Variants in COX10 observed in about 807,000 individuals in gnomAD.
COX10 encodes the protein cytochrome c oxidase assembly factor heme A:farnesyltransferase COX10, also known as protoheme IX farnesyltransferase, mitochondrial.
A neutral mutation model predicts 37.3 loss-of-function variants in COX10; 27 were observed. The ratio of observed to expected loss-of-function variants is 0.72; its 90% CI spans 0.53 to 1.00. COX10 has a LOEUF of 1.00. Ranked by LOEUF, COX10 falls within the 50% of genes least tolerant of loss-of-function variation. The probability of loss-of-function intolerance (pLI) is 0.00; values close to 1 mark genes in which losing one functional copy is unlikely to be tolerated. For missense variants in COX10, 475 were observed against 563.2 expected (o/e 0.84, Z 1.59); for synonymous variants, 222 against 229.1 (o/e 0.97, Z 0.28).
At chr17:14,176,045 C>T (rs1905678346) in intron 5 of COX10, among the ~76,000 whole-genome samples, 1 of 152,104 alleles carries the variant, frequency 6.6e-6, no homozygotes. Flanking sequence ...CCCTCAGCTG[C>T]CTGGGTAAAG....
intron 4 of COX10, among the ~76,000 whole-genome samples, chr17:14,143,593 T>C (rs527883229): frequency 2.2e-4 from 33 of 152,090 alleles, no homozygotes; most frequent in Non-Finnish European, 3.8e-4. Flanking sequence ...AGCTATTATC[T>C]CCTCTCTGAC....
chr17:14,125,428 T>A (rs183489678), intron 4 of COX10, among the ~76,000 whole-genome samples: 1 of 152,306 alleles, frequency 6.6e-6, no homozygotes, highest in East Asian at 1.9e-4. Context: ...AGGGAAACAA[T>A]TTGGCTATTG....
intron 4 of COX10, among the ~76,000 whole-genome samples, 157 bp from the exon 5 acceptor site, chr17:14,159,720 G>GT (rs1567604458): frequency 1.3e-5 from 2 of 151,940 alleles, no homozygotes; most frequent in African/African-American, 4.8e-5. Flanking sequence ...TTGTTTGTTT[G>GT]TTTTTTTGGA....
In COX10 at chr17:14,107,078, C is replaced by A. The variant is rs146712582; in HGVS notation, c.624+4836C>A. On this transcript the variant is annotated intron_variant, in intron 4 of 6. Transcript: ENST00000261643. ...TGTGTTGCAGAGTGCATCCCAGCAC[C>A]CCTACTTCTACCCACTGGACACTGA... 2.6e-5 allele frequency among the ~76,000 whole-genome samples: 4 copies of A among 152,156 alleles called. No homozygotes were observed. In the East Asian group the frequency reaches 7.7e-4, roughly 29 times the overall value.
chr17:14,191,667 A>C (rs1277373174), intron 5 of COX10, among the ~76,000 whole-genome samples: 1 of 152,198 alleles, frequency 6.6e-6, no homozygotes. Flanking sequence ...TCTCTTGTAG[A>C]GAGGAGTAAG....
intron 4 of COX10, among the ~76,000 whole-genome samples, chr17:14,136,432 A>G (rs1021012702): frequency 2.0e-5 from 3 of 151,922 alleles, no homozygotes; most frequent in African/African-American, 4.8e-5. Context: ...TTTTCTTTCT[A>G]TTAGCAAAAC....
intron 3 of COX10, among the ~76,000 whole-genome samples, chr17:14,089,370 A>G (rs1915476412): frequency 6.6e-6 from 1 of 152,194 alleles, no homozygotes; most frequent in Non-Finnish European, 1.5e-5. Flanking sequence ...ATGTGTACTG[A>G]TCTGGCAGCA....
intron 3 of COX10, among the ~76,000 whole-genome samples, chr17:14,091,323 A>G (rs1915522204): frequency 6.6e-6 from 1 of 152,230 alleles, no homozygotes; most frequent in Non-Finnish European, 1.5e-5. Context: ...TTGTCCTGTT[A>G]TCAGTGAATT....
At chr17:14,122,634 C>T (rs1204005068) in intron 4 of COX10, among the ~76,000 whole-genome samples, 1 of 152,062 alleles carries the variant, frequency 6.6e-6, no homozygotes, top group Non-Finnish European at 1.5e-5. Flanking sequence ...GAAAAATGCC[C>T]TTGTCCACCT....
intron 4 of COX10, among the ~76,000 whole-genome samples, chr17:14,149,923 G>A (rs1186983593): frequency 6.6e-6 from 1 of 152,126 alleles, no homozygotes; most frequent in Admixed American, 6.5e-5. Flanking sequence ...ATGTGAGGGA[G>A]GATATGACTG....
chr17:14,143,598 T>C (rs1904614114), intron 4 of COX10, among the ~76,000 whole-genome samples: 1 of 152,084 alleles, frequency 6.6e-6, no homozygotes, highest in South Asian at 2.1e-4. Flanking sequence ...TTATCTCCTC[T>C]CTGACCAAAT....
chr17:14,180,687 A>G (rs890705112), intron 5 of COX10, among the ~76,000 whole-genome samples: 2 of 152,190 alleles, frequency 1.3e-5, no homozygotes, highest in African/African-American at 4.8e-5. Context: ...TTAGTCTATC[A>G]CTTGTAGCCA....
At chr17:14,117,626 A>C (rs1916142521) in intron 4 of COX10, among the ~76,000 whole-genome samples, 1 of 152,212 alleles carries the variant, frequency 6.6e-6, no homozygotes, top group Admixed American at 6.5e-5. Flanking sequence ...ACATGCAGAC[A>C]GGCAGGTGTA....
chr17:14,129,203 T>G (rs1916410660), intron 4 of COX10, among the ~76,000 whole-genome samples: 2 of 151,932 alleles, frequency 1.3e-5, no homozygotes. Context: ...AATCTTCCTT[T>G]TTAGATTTCA....
intron 5 of COX10, among the ~76,000 whole-genome samples, chr17:14,187,529 T>G (rs1044976157): frequency 1.3e-5 from 2 of 152,186 alleles, no homozygotes; most frequent in Admixed American, 6.5e-5. Flanking sequence ...AGTAGTTATA[T>G]CATTGGAAAA....
At chr17:14,080,465 G>T (rs1483502843) in intron 3 of COX10, among the ~76,000 whole-genome samples, 1 of 151,856 alleles carries the variant, frequency 6.6e-6, no homozygotes, top group African/African-American at 2.4e-5. Context: ...CACCCGCCTC[G>T]GCCTCCCAAA....
At chr17:14,192,611 C>T (rs151266670) in intron 6 of COX10, among the ~76,000 whole-genome samples, 397 of 150,084 alleles carry the variant, frequency 2.6e-3, no homozygotes, top group Middle Eastern at 0.011. Flanking sequence ...AAAGGGGTTT[C>T]GTCTCACGAG....
chr17:14,143,864 T>A (rs142893984), intron 4 of COX10, among the ~76,000 whole-genome samples: 4,530 of 152,244 alleles, frequency 0.03, 53 homozygotes, highest in Middle Eastern at 0.051. Context: ...GTATAGAGTC[T>A]TGCTTTTGCT....
intron 6 of COX10, 24 bp downstream of exon 6, chr17:14,192,245 C>T (rs1906228113): frequency 6.2e-7 from 1 of 1,614,052 alleles, no homozygotes; most frequent in Non-Finnish European, 8.5e-7. Flanking sequence ...GATGTGGAGT[C>T]TCATATGAGC....
Sources: allele counts gnomAD v4.1 joint callset (sites outside exome capture counted in the v4.1 genomes callset), GRCh38; gene constraint gnomAD v4.1.1; transcripts MANE v1.5; gene names NCBI Gene and HGNC (gene_info 2026-07-23, HGNC 2026-07-21).